PIGK: variants seen among roughly 807,000 people sequenced by gnomAD.
PIGK encodes phosphatidylinositol glycan anchor biosynthesis class K.
A neutral mutation model predicts 50.6 loss-of-function variants in PIGK; 42 were observed. The observed-to-expected ratio is 0.83, with a 90% CI of 0.65 to 1.07. The LOEUF (loss-of-function observed/expected upper bound fraction) is 1.07. Ranked by LOEUF, PIGK falls within the 50% of genes least tolerant of loss-of-function variation. The probability of loss-of-function intolerance (pLI) is 0.00; values close to 1 mark genes in which losing one functional copy is unlikely to be tolerated. For missense variants in PIGK, 448 were observed against 488.7 expected (o/e 0.92, Z 0.78); for synonymous variants, 151 against 156.0 (o/e 0.97, Z 0.24).
chr1:77,124,346 C>T (rs764909959), intron 9 of PIGK, among the ~76,000 whole-genome samples: 13 of 152,106 alleles, frequency 8.5e-5, no homozygotes, highest in African/African-American at 1.2e-4. Flanking sequence ...CAGTGGCTCA[C>T]GCCTGTAATC....
At chr1:77,111,265 C>A (rs930523472) in intron 10 of PIGK, among the ~76,000 whole-genome samples, 4 of 152,086 alleles carry the variant, frequency 2.6e-5, no homozygotes, top group Non-Finnish European at 4.4e-5. Flanking sequence ...GGGTATATAC[C>A]CAAAGGATTA....
intron 9 of PIGK, among the ~76,000 whole-genome samples, chr1:77,140,537 C>G (rs1654626591): frequency 6.6e-6 from 1 of 152,024 alleles, no homozygotes; most frequent in Non-Finnish European, 1.5e-5. Context: ...TATAGCAGTG[C>G]AAGAACAACC....
At chr1:77,110,886 T>C (rs1212071635) in intron 10 of PIGK, among the ~76,000 whole-genome samples, 1 of 152,106 alleles carries the variant, frequency 6.6e-6, no homozygotes, top group Non-Finnish European at 1.5e-5. Context: ...ATATCCAGAA[T>C]CTACAAAGAA....
intron 3 of PIGK, among the ~76,000 whole-genome samples, chr1:77,184,696 A>C (rs952947782): frequency 6.6e-6 from 1 of 152,114 alleles, no homozygotes; most frequent in Non-Finnish European, 1.5e-5. Flanking sequence ...CCCCAGACTC[A>C]TCTTGTGGTC....
intron 4 of PIGK, 62 bp from the exon 5 acceptor site, chr1:77,166,892 CT>C: frequency 1.3e-6 from 1 of 797,896 alleles, no homozygotes; most frequent in Non-Finnish European, 2.1e-6. Context: ...TGACAAATTA[CT>C]TTTTACTTTC....
At chr1:77,175,769 A>T (rs568950967) in intron 3 of PIGK, among the ~76,000 whole-genome samples, 1 of 152,286 alleles carries the variant, frequency 6.6e-6, no homozygotes, top group South Asian at 2.1e-4. Flanking sequence ...ACATAAAGTG[A>T]ACATTTAAAA....
intron 10 of PIGK, among the ~76,000 whole-genome samples, chr1:77,092,791 A>G (rs1653329347): frequency 6.6e-6 from 1 of 152,112 alleles, no homozygotes; most frequent in African/African-American, 2.4e-5. Context: ...GTAGCCTAAC[A>G]GTCTTTCTCA....
chr1:77,190,180 G>A (rs940638912), intron 3 of PIGK, among the ~76,000 whole-genome samples: 2 of 151,762 alleles, frequency 1.3e-5, no homozygotes, highest in South Asian at 2.1e-4. Flanking sequence ...TTGAGGCCAG[G>A]AGTTCAAGAC....
At chr1:77,113,074 C>T (rs1265495883) in intron 10 of PIGK, among the ~76,000 whole-genome samples, 1 of 151,996 alleles carries the variant, frequency 6.6e-6, no homozygotes, top group African/African-American at 2.4e-5. Flanking sequence ...GATCAAAACT[C>T]AGTTTAGAAC....
intron 9 of PIGK, 36 bp downstream of exon 9, chr1:77,154,413 T>C: frequency 4.8e-6 from 7 of 1,466,772 alleles, no homozygotes; most frequent in Non-Finnish European, 6.6e-6. Flanking sequence ...ACTGTGAGAC[T>C]AGTATTCTAT....
At chr1:77,122,917 T>C (rs1654137243) in intron 9 of PIGK, among the ~76,000 whole-genome samples, 1 of 152,164 alleles carries the variant, frequency 6.6e-6, no homozygotes, top group Non-Finnish European at 1.5e-5. Context: ...GTATATTATT[T>C]TCACTTCCTT....
intron 9 of PIGK, among the ~76,000 whole-genome samples, chr1:77,133,613 T>TTACACTGC (rs1654432109): frequency 6.6e-6 from 1 of 152,180 alleles, no homozygotes; most frequent in South Asian, 2.1e-4. Flanking sequence ...CTTAAGAAGG[T>TTACACTGC]CCATGTGTTC....
chr1:77,109,771 G>C (rs1048871046), intron 10 of PIGK, among the ~76,000 whole-genome samples: 19 of 151,952 alleles, frequency 1.3e-4, no homozygotes, highest in South Asian at 2.1e-4. Flanking sequence ...GGCAATTAGG[G>C]AGGAGAAGGA....
intron 3 of PIGK, among the ~76,000 whole-genome samples, chr1:77,179,017 C>T (rs1247577005): frequency 6.6e-6 from 1 of 152,186 alleles, no homozygotes; most frequent in Non-Finnish European, 1.5e-5. Flanking sequence ...AGATCATGCG[C>T]TAGGCCCCAA....
At chr1:77,096,909 T>TTTTTG (rs1185318597) in intron 10 of PIGK, among the ~76,000 whole-genome samples, 72 of 151,504 alleles carry the variant, frequency 4.8e-4, no homozygotes, top group Middle Eastern at 6.8e-3. Context: ...TTTTTTTGTT[T>TTTTTG]TTTTGTTTTG....
At chr1:77,113,897 C>A (rs1021137544) in intron 10 of PIGK, among the ~76,000 whole-genome samples, 3 of 152,094 alleles carry the variant, frequency 2.0e-5, no homozygotes, top group African/African-American at 7.2e-5. Context: ...CACATCTCTT[C>A]ATATCTCTAC....
chr1:77,164,108 A>G (rs1047194345), intron 5 of PIGK, among the ~76,000 whole-genome samples, 166 bp from the exon 6 acceptor site: 1 of 152,226 alleles, frequency 6.6e-6, no homozygotes, highest in Non-Finnish European at 1.5e-5. Context: ...ATGCCAATTA[A>G]AAAGAGAATG....
intron 1 of PIGK, among the ~76,000 whole-genome samples, chr1:77,216,651 G>GT (rs1186277761): frequency 6.6e-6 from 1 of 151,828 alleles, no homozygotes; most frequent in Non-Finnish European, 1.5e-5. Flanking sequence ...GTGTGTGTGT[G>GT]TATTTTTCCC....
chr1:77,153,609 T>C (rs1355861318), intron 9 of PIGK: 2 of 151,310 alleles, frequency 1.3e-5, no homozygotes, highest in Non-Finnish European at 2.9e-5. Flanking sequence ...ACCCCAAAAA[T>C]ATGTACAAAT....
Sources: gnomAD v4.1 joint callset for allele counts (sites outside exome capture counted in the v4.1 genomes callset) on GRCh38, gnomAD v4.1.1 for gene constraint, MANE v1.5 for transcripts, NCBI Gene and HGNC (gene_info 2026-07-23, HGNC 2026-07-21) for gene names.